ALOX5: variants seen among roughly 807,000 people sequenced by gnomAD.
ALOX5 encodes arachidonate 5-lipoxygenase.
Under a neutral mutation model 87.9 loss-of-function variants are expected in ALOX5, and 64 were observed. The observed-to-expected ratio is 0.73, with a 90% confidence interval of 0.60 to 0.90. The LOEUF is 0.90. Ranked by LOEUF, ALOX5 falls within the 40% of genes least tolerant of loss-of-function variation. The probability of loss-of-function intolerance (pLI) is 0.00; values close to 1 mark genes in which losing one functional copy is unlikely to be tolerated. For synonymous variants in ALOX5, 388 were observed against 355.1 expected (o/e 1.09, Z -1.04); for missense variants, 822 against 907.5 (o/e 0.91, Z 1.21).
At chr10:45,432,764 T>C (rs1246768835) in intron 7 of ALOX5, among the ~76,000 whole-genome samples, 1 of 152,162 alleles carries the variant, frequency 6.6e-6, no homozygotes, top group Non-Finnish European at 1.5e-5. Flanking sequence ...CAGAAGACTT[T>C]TAGAAGGAAA....
chr10:45,413,863 C>A (rs565354695), intron 4 of ALOX5, among the ~76,000 whole-genome samples: 32 of 152,212 alleles, frequency 2.1e-4, no homozygotes, highest in African/African-American at 7.0e-4. Flanking sequence ...AATAAAATAC[C>A]TAGGAATCCA....
intron 2 of ALOX5, among the ~76,000 whole-genome samples, chr10:45,393,156 AC>A (rs1302105540): frequency 1.3e-5 from 2 of 152,204 alleles, no homozygotes; most frequent in Non-Finnish European, 2.9e-5. Context: ...CACAAAAAAA[AC>A]AATTTTAGAC....
intron 3 of ALOX5, among the ~76,000 whole-genome samples, chr10:45,411,481 T>G (rs1564429836): frequency 2.0e-5 from 3 of 152,198 alleles, no homozygotes; most frequent in Admixed American, 1.3e-4. Context: ...AAATAAACAT[T>G]TTTCAAAAAC....
chr10:45,375,379 G>T lies in ALOX5; in HGVS notation c.150+950G>T, dbSNP rs372488452. On this transcript the variant is annotated intron_variant, in intron 1 of 13. Transcript: ENST00000374391. ...AATGAAGTGCCTAATCCAGTACCTG[G>T]CACAGAGGAAGCGCTCCGTAAATGA... is the stretch of plus-strand genomic sequence containing the variant. Among the ~76,000 whole-genome samples, 95 of 152,272 alleles carry T rather than the reference G, an allele frequency of 6.2e-4. 2 individuals are homozygous for T. The highest frequency in any genetic ancestry group is 1.9e-3 in the African/African-American group (77 of 41,550).
rs139175327 is a variant in ALOX5, at chr10:45,411,839, C to A, written c.432-352C>A. Among the ~76,000 whole-genome samples, 424 of 152,314 alleles carry A rather than the reference C, an allele frequency of 2.8e-3. 1 individual carries two copies. Among genetic ancestry groups the A allele is most frequent in the African/African-American group, 9.6e-3 (400 of 41,572 alleles). ...GCTGGGCAGCCTTAATACCTTCTAC[C>A]TCCAGTGACTGGCAAGGCAGGCCTC... On this transcript the variant is annotated intron_variant, in intron 3 of 13. Transcript: ENST00000374391.
At position 45,445,641 on chromosome 10, in the gene ALOX5, A is replaced by G. The variant is rs1312010600; in HGVS notation, c.1979A>G (p.Tyr660Cys). 1.2e-6 allele frequency: 2 copies of G among 1,613,900 alleles called. No individual in the cohort carries two copies. The highest frequency in any genetic ancestry group is 8.5e-7 in the Non-Finnish European group (1 of 1,179,988). The change falls in exon 14 of 14, where the codon TAT becomes TGT. Residue 660 changes from tyrosine to cysteine, a missense_variant. Tyr to Cys is a radical substitution (Grantham distance 194, BLOSUM62 -2). Transcript: ENST00000374391. ...CGCAACAAGAAGAAGCAGCTGCCAT[A>G]TTACTACTTGTCCCCAGACCGGATT... is the stretch of plus-strand genomic sequence containing the variant. ...AERNKKKQLP[Y>C]YYLSPDRIPN...
intron 3 of ALOX5, among the ~76,000 whole-genome samples, chr10:45,396,379 T>C (rs1413831460): frequency 6.6e-6 from 1 of 151,106 alleles, no homozygotes; most frequent in Non-Finnish European, 1.5e-5. Flanking sequence ...TTAAAATGAA[T>C]AAAAAAGGAA....
At chr10:45,403,951 T>G (rs958900067) in intron 3 of ALOX5, among the ~76,000 whole-genome samples, 2 of 152,226 alleles carry the variant, frequency 1.3e-5, no homozygotes, top group African/African-American at 4.8e-5. Flanking sequence ...CCTGTGAATC[T>G]GGGTTAAGAT....
intron 4 of ALOX5, among the ~76,000 whole-genome samples, chr10:45,423,277 C>T (rs1451017996): frequency 1.3e-5 from 2 of 152,374 alleles, no homozygotes; most frequent in East Asian, 3.9e-4. Flanking sequence ...GGAGAGGCAA[C>T]AGGCTATCTT....
intron 4 of ALOX5, among the ~76,000 whole-genome samples, chr10:45,415,210 A>G (rs1014810069): frequency 6.6e-6 from 1 of 152,246 alleles, no homozygotes; most frequent in Non-Finnish European, 1.5e-5. Flanking sequence ...GATAGACTGG[A>G]TTAAGAAAAT....
At chr10:45,403,062 A>G (rs1312207456) in intron 3 of ALOX5, among the ~76,000 whole-genome samples, 1 of 152,222 alleles carries the variant, frequency 6.6e-6, no homozygotes, top group Non-Finnish European at 1.5e-5. Flanking sequence ...ACAAGTTGGT[A>G]AGACCTCCGT....
In ALOX5 at chr10:45,382,677, A is replaced by G. The variant is rs1839881778; in HGVS notation, c.345A>G (p.Gly115=). 3.1e-6 allele frequency: 5 copies of G among 1,612,038 alleles called. No individual in the cohort carries two copies. The highest frequency in any genetic ancestry group is 1.1e-5 in the South Asian group (1 of 90,778). ...ATGTCGAGGTTGTCCTGAGGGATGGACGCGGTGAGCAGCTCAGGCCCCTTC... is the reference window on the plus strand; with the variant it reads ...ATGTCGAGGTTGTCCTGAGGGATGGGCGCGGTGAGCAGCTCAGGCCCCTTC... ...TGDVEVVLRD[G]RAKLARDDQI... The change falls in exon 2 of 14, where the codon GGA becomes GGG. Residue 115 remains glycine (G), a synonymous_variant. Coordinates refer to ENST00000374391, the MANE Select transcript of ALOX5 (RefSeq NM_000698.5).
At position 45,395,930 on chromosome 10, in the gene ALOX5, A is replaced by C. The variant is rs1199665951; in HGVS notation, c.425A>C (p.Gln142Pro). Residue 142 changes from glutamine to proline, a missense_variant, in exon 3 of 14, where the codon CAA becomes CCA. By Grantham distance (76) the Gln-to-Pro change is moderately conservative. Transcript: ENST00000374391. ...AAAGAACTGGAAACACGGCAAAAACAATATCGGTGAGTTATGACATCAGAT... is the reference window on the plus strand; with the variant it reads ...AAAGAACTGGAAACACGGCAAAAACCATATCGGTGAGTTATGACATCAGAT... ...RRKELETRQK[Q>P]YRWMEWNPGF... 2 of 1,614,216 alleles carry C rather than the reference A, an allele frequency of 1.2e-6. No individual in the cohort carries two copies. The highest frequency in any genetic ancestry group is 1.7e-6 in the Non-Finnish European group (2 of 1,180,020).
intron 12 of ALOX5, 117 bp from the exon 13 acceptor site, chr10:45,443,999 G>T: frequency 6.9e-7 from 1 of 1,439,606 alleles, no homozygotes; most frequent in Non-Finnish European, 9.2e-7. Context: ...GGGGAAAGAG[G>T]ATGGACGGAC....
chr10:45,443,989 G>C (rs1842343914), intron 12 of ALOX5, 127 bp from the exon 13 acceptor site: 3 of 1,435,518 alleles, frequency 2.1e-6, no homozygotes, highest in East Asian at 2.5e-5. Context: ...CGCTGGCCGC[G>C]GGGAAAGAGG....
At chr10:45,406,760 TGTTA>T (rs1341274146) in intron 3 of ALOX5, among the ~76,000 whole-genome samples, 1 of 152,250 alleles carries the variant, frequency 6.6e-6, no homozygotes, top group African/African-American at 2.4e-5. Context: ...GTTTGTTTGT[TGTTA>T]GTGAGTCTGG....
Position 45,445,366 on chromosome 10 carries a change from G to A in ALOX5, c.1846-142G>A, listed in dbSNP as rs942305114. ...CTTCCCGAGGCCCTCTTGTCAGGCA[G>A]CAGAGGGTGAATATGGGGAGGTGAA... is the stretch of plus-strand genomic sequence containing the variant. On this transcript the variant is annotated intron_variant, in intron 13 of 13. Coordinates refer to ENST00000374391, the MANE Select transcript of ALOX5 (RefSeq NM_000698.5). 4.9e-6 allele frequency: 5 copies of A among 1,016,010 alleles called. No homozygotes were observed. In the East Asian group the frequency reaches 1.3e-4, roughly 26 times the overall value. 62.9% of individuals were successfully genotyped at this position (1,016,010 alleles called of 1,614,324 possible). A position where few individuals can be genotyped will look rare whatever the true frequency, so the allele number is the denominator to read the frequency against.
chr10:45,386,188 C>T (rs539970206), intron 2 of ALOX5, among the ~76,000 whole-genome samples: 1 of 152,084 alleles, frequency 6.6e-6, no homozygotes, highest in African/African-American at 2.4e-5. Context: ...GTAGTCCCAG[C>T]TACTTGGGAG....
At chr10:45,395,975 G>A (rs1840487392) in intron 3 of ALOX5, 39 bp downstream of exon 3, 1 of 1,586,910 alleles carries the variant, frequency 6.3e-7, no homozygotes, top group Non-Finnish European at 8.7e-7. Flanking sequence ...ACGGGGCCAT[G>A]GTTTCTTCTA....
Sources: gnomAD v4.1 joint callset for allele counts (sites outside exome capture counted in the v4.1 genomes callset) on GRCh38, gnomAD v4.1.1 for gene constraint, MANE v1.5 for transcripts, NCBI Gene and HGNC (gene_info 2026-07-23, HGNC 2026-07-21) for gene names.